Variants in MCC observed in about 807,000 individuals in gnomAD.
The protein encoded by MCC is colorectal mutant cancer protein.
In MCC, 90 loss-of-function variants were observed where a neutral mutation model predicts 116.2. The observed-to-expected ratio is 0.77, with a 90% CI of 0.65 to 0.92. The LOEUF (loss-of-function observed/expected upper bound fraction) is 0.92. MCC is among the 40% of genes least tolerant of loss of function. MCC has a pLI of 0.00. For synonymous variants in MCC, 578 were observed against 510.5 expected (o/e 1.13, Z -1.78); for missense variants, 1,516 against 1,312.2 (o/e 1.16, Z -2.40).
chr5:113,240,887 C>T (rs1319883454), intron 3 of MCC, among the ~76,000 whole-genome samples: 1 of 152,146 alleles, frequency 6.6e-6, no homozygotes, highest in South Asian at 2.1e-4. Flanking sequence ...GAGCTGGGTA[C>T]TAGGCGAGGA....
chr5:113,325,180 G>A (rs1400127164), intron 3 of MCC, among the ~76,000 whole-genome samples: 1 of 152,070 alleles, frequency 6.6e-6, no homozygotes, highest in Non-Finnish European at 1.5e-5. Context: ...TAAGTTAGAG[G>A]GGTGGGAAGG....
intron 1 of MCC, among the ~76,000 whole-genome samples, chr5:113,418,353 A>AG (rs1423485189): frequency 7.2e-5 from 11 of 151,942 alleles, no homozygotes; most frequent in African/African-American, 2.7e-4. Flanking sequence ...AATTGAAATA[A>AG]AAAATGAATT....
intron 3 of MCC, among the ~76,000 whole-genome samples, chr5:113,183,528 T>A (rs888013284): frequency 6.6e-6 from 1 of 151,946 alleles, no homozygotes; most frequent in East Asian, 1.9e-4. Flanking sequence ...AACATCCCCC[T>A]CCCAAGGGTT....
chr5:113,470,275 C>A lies in MCC; in HGVS notation c.170+17970G>T, dbSNP rs557147932. The stretch of plus-strand genomic sequence containing the variant: ...TTAGTTGATGCAGTTTCTTCCTAGC[C>A]TTGATCGTCTTTACAATTTGGCATG... On this transcript the variant is annotated intron_variant, in intron 1 of 18. Coordinates refer to ENST00000408903, the MANE Select transcript of MCC (RefSeq NM_001085377.2). Among the ~76,000 whole-genome samples the A allele has an allele frequency of 2.3e-3, 355 of 152,222 alleles. 1 individual carries two copies. The highest frequency in any genetic ancestry group is 8.0e-3 in the African/African-American group (331 of 41,502).
At chr5:113,192,422 T>C (rs1762191152) in intron 3 of MCC, among the ~76,000 whole-genome samples, 2 of 152,226 alleles carry the variant, frequency 1.3e-5, no homozygotes, top group East Asian at 1.9e-4. Flanking sequence ...ACATATTGTC[T>C]GTAGGAAATT....
intron 16 of MCC, chr5:113,048,807 G>A (rs1289748401): frequency 1.9e-6 from 1 of 521,196 alleles, no homozygotes. Flanking sequence ...GACGAAGGAG[G>A]TGAGAACAGT....
intron 3 of MCC, among the ~76,000 whole-genome samples, chr5:113,245,997 G>C (rs1031822647): frequency 6.6e-6 from 1 of 152,174 alleles, no homozygotes; most frequent in Non-Finnish European, 1.5e-5. Context: ...TGTTATAAAG[G>C]CTTTTGAGAT....
At chr5:113,386,806 TATACAC>T (rs1461121414) in intron 1 of MCC, among the ~76,000 whole-genome samples, 1 of 83,514 alleles carries the variant, frequency 1.2e-5, no homozygotes, top group Non-Finnish European at 2.4e-5. Flanking sequence ...CACATACACA[TATACAC>T]ATACACATAT....
At chr5:113,062,089 G>C (rs1253650577) in intron 14 of MCC, among the ~76,000 whole-genome samples, 1 of 152,156 alleles carries the variant, frequency 6.6e-6, no homozygotes, top group Non-Finnish European at 1.5e-5. Context: ...TTGGGCGGGA[G>C]GGTAAAAGTG....
At chr5:113,459,141 G>C (rs908662298) in intron 1 of MCC, among the ~76,000 whole-genome samples, 2 of 136,568 alleles carry the variant, frequency 1.5e-5, no homozygotes, top group African/African-American at 6.2e-5. Flanking sequence ...ATATGTGTGT[G>C]TGTGTGTGTG....
At chr5:113,087,329 G>C (rs1246254096) in intron 8 of MCC, among the ~76,000 whole-genome samples, 1 of 152,296 alleles carries the variant, frequency 6.6e-6, no homozygotes, top group East Asian at 1.9e-4. Flanking sequence ...TTCCAGTAAC[G>C]GAGGATCGAT....
At position 113,133,564 on chromosome 5, in the gene MCC, T is replaced by C. The variant is rs148366315; in HGVS notation, c.884+9654A>G. Reference sequence around the variant, plus strand: ...TGATATTGATTTCAAATTTTGGCCATTGTGAAGTGCTGCAATAAACAAGAG... The same window carrying C: ...TGATATTGATTTCAAATTTTGGCCACTGTGAAGTGCTGCAATAAACAAGAG... On this transcript the variant is annotated intron_variant, in intron 5 of 18. Transcript: ENST00000408903. Among the ~76,000 whole-genome samples the C allele has an allele frequency of 1.2e-4, 18 of 152,246 alleles. No homozygotes were observed. In the East Asian group the frequency reaches 2.3e-3, roughly 20 times the overall value.
At chr5:113,055,742 T>C (rs1580941952) in intron 14 of MCC, among the ~76,000 whole-genome samples, 1 of 152,224 alleles carries the variant, frequency 6.6e-6, no homozygotes, top group African/African-American at 2.4e-5. Flanking sequence ...TGTGCGCAGT[T>C]GCTTGGTCAA....
At chr5:113,381,645 G>A (rs373472952) in intron 2 of MCC, among the ~76,000 whole-genome samples, 15 of 152,102 alleles carry the variant, frequency 9.9e-5, no homozygotes, top group African/African-American at 3.4e-4. Context: ...AATATTAGCT[G>A]GGCCTGGTGG....
intron 3 of MCC, among the ~76,000 whole-genome samples, chr5:113,180,943 TAC>T (rs142921689): frequency 0.029 from 4,447 of 152,306 alleles, 93 homozygotes; most frequent in African/African-American, 0.036. Context: ...TTTATGTCTT[TAC>T]AGTTTAATCT....
At chr5:113,202,797 A>AC (rs537840497) in intron 3 of MCC, among the ~76,000 whole-genome samples, 6 of 151,058 alleles carry the variant, frequency 4.0e-5, no homozygotes, top group South Asian at 2.1e-4. Context: ...TAAAAAAAAA[A>AC]AAAAAAACTT....
At chr5:113,433,087 AT>A (rs1440955250) in intron 1 of MCC, 1 of 153,232 alleles carries the variant, frequency 6.5e-6, no homozygotes, top group Admixed American at 6.5e-5. Context: ...GGGGCACAAG[AT>A]TTCTAGCACT....
intron 3 of MCC, among the ~76,000 whole-genome samples, chr5:113,219,520 CA>C (rs1478674292): frequency 6.6e-6 from 1 of 152,116 alleles, no homozygotes; most frequent in Non-Finnish European, 1.5e-5. Context: ...AACAGGATCT[CA>C]AAAATAGATG....
chr5:113,070,959 C>A (rs758743841), intron 12 of MCC, 135 bp downstream of exon 12: 1 of 887,140 alleles, frequency 1.1e-6, no homozygotes, highest in Non-Finnish European at 1.7e-6. Flanking sequence ...TATTTGCTGT[C>A]CAAACCGCCA....
Sources: allele counts gnomAD v4.1 joint callset (sites outside exome capture counted in the v4.1 genomes callset), GRCh38; gene constraint gnomAD v4.1.1; transcripts MANE v1.5; gene names NCBI Gene and HGNC (gene_info 2026-07-23, HGNC 2026-07-21).